Variants in SP3 observed in about 807,000 individuals in gnomAD.
The protein encoded by SP3 is transcription factor Sp3.
SP3 carries 10 observed loss-of-function variants against 70.3 expected under a neutral mutation model. The ratio of observed to expected loss-of-function variants is 0.14; its 90% CI spans 0.09 to 0.24. SP3 has a LOEUF of 0.24. Ranked by LOEUF, SP3 falls within the 10% of genes least tolerant of loss-of-function variation. The pLI, the probability that SP3 is intolerant of heterozygous loss-of-function variation, is 1.00. For missense variants in SP3, 825 were observed against 914.6 expected, an observed-to-expected ratio of 0.90 and a Z score of 1.26; for synonymous variants, 402 against 333.5, an observed-to-expected ratio of 1.21 and a Z score of -2.24.
intron 3 of SP3, among the ~76,000 whole-genome samples, chr2:173,960,195 T>C (rs1047140219): frequency 2.0e-5 from 3 of 152,170 alleles, no homozygotes; most frequent in African/African-American, 4.8e-5. Flanking sequence ...CCATCTAACA[T>C]GAATGTTGGC....
chr2:173,929,010 A>G (rs913224621), intron 4 of SP3, among the ~76,000 whole-genome samples: 2 of 152,214 alleles, frequency 1.3e-5, no homozygotes, highest in South Asian at 2.1e-4. Flanking sequence ...ATTTTTCACT[A>G]ATTTCAAATG....
chr2:173,909,996 T>C lies in SP3; in HGVS notation c.2291A>G (p.Asn764Ser), dbSNP rs556890630. 153 of 1,614,006 alleles carry C rather than the reference T, an allele frequency of 9.5e-5. 1 individual carries two copies. In the South Asian group the frequency reaches 1.6e-3, roughly 17 times the overall value. Residue 764 changes from asparagine to serine, a missense_variant, in exon 7 of 7, where the codon AAC becomes AGC. This residue lies in a region of SP3 where 91 missense variants were observed against 97.4 expected (regional missense o/e 0.93). Transcript: ENST00000310015. ...SATSNQDILT[N>S]TEIPLQLVTV... The stretch of plus-strand genomic sequence containing the variant: ...GACAAGCTGTAAAGGTATTTCAGTG[T>C]TGGTAAGGATATCTTGATTGCTGGT...
chr2:173,946,674 T>A (rs1213261691), intron 4 of SP3, among the ~76,000 whole-genome samples: 1 of 152,040 alleles, frequency 6.6e-6, no homozygotes, highest in Non-Finnish European at 1.5e-5. Flanking sequence ...CTCTGAATGT[T>A]ACTCCACGAT....
At position 173,902,038 on chromosome 2, in the gene SP3, G is replaced by A. The variant is rs1689199633; in HGVS notation, c.*7903C>T. On this transcript the variant is annotated 3_prime_UTR_variant, in exon 7 of 7. Transcript: ENST00000310015. ...AAGAGAGTGGTCTACTATGTGAGAA[G>A]ACCCCTACAGTGAGAGACTATGAGG... Among the ~76,000 whole-genome samples, 1 of 152,162 alleles carries A rather than the reference G, an allele frequency of 6.6e-6. No homozygotes were observed. The highest frequency in any genetic ancestry group is 1.5e-5 in the Non-Finnish European group (1 of 68,030).
intron 4 of SP3, among the ~76,000 whole-genome samples, chr2:173,939,078 G>A (rs535003381): frequency 4.6e-5 from 7 of 152,304 alleles, no homozygotes; most frequent in African/African-American, 1.7e-4. Flanking sequence ...ACAGTGCAGA[G>A]GTTGAGAAAT....
In SP3 at chr2:173,955,514, G is replaced by A; in HGVS notation, c.998C>T (p.Thr333Ile). The A allele has an allele frequency of 6.2e-7, 1 of 1,614,162 alleles. No homozygotes were observed. Among genetic ancestry groups the A allele is most frequent in the Non-Finnish European group, 8.5e-7 (1 of 1,180,030 alleles). The change falls in exon 4 of 7, where the codon ACA (threonine) becomes ATA (isoleucine). Residue 333 changes from threonine to isoleucine, a missense_variant. By Grantham distance (89) the Thr-to-Ile change is moderately conservative. Around this residue, in one of 4 missense-constraint regions of SP3, gnomAD observed 678 missense variants for 651.6 expected, o/e 1.04. Transcript: ENST00000310015. ...TNTDTDLFVP[T>I]SSSSQLPVTI... The stretch of plus-strand genomic sequence containing the variant: ...AACAGGCAACTGTGATGAAGAGGAT[G>A]TTGGCACAAATAAATCTGTATCAGT...
At chr2:173,934,591 G>C (rs1690162332) in intron 4 of SP3, among the ~76,000 whole-genome samples, 3 of 152,094 alleles carry the variant, frequency 2.0e-5, no homozygotes, top group Admixed American at 1.3e-4. Flanking sequence ...TAACAAAAAA[G>C]TCAATTGCCA....
intron 6 of SP3, among the ~76,000 whole-genome samples, chr2:173,910,491 A>G (rs1480619958): frequency 2.6e-5 from 4 of 152,182 alleles, no homozygotes; most frequent in Non-Finnish European, 1.5e-5. Flanking sequence ...CATGTATTAT[A>G]TAATAGATGG....
intron 4 of SP3, among the ~76,000 whole-genome samples, chr2:173,934,811 A>C (rs1481683077): frequency 6.6e-6 from 1 of 152,166 alleles, no homozygotes; most frequent in African/African-American, 2.4e-5. Flanking sequence ...CTAAGGCTGA[A>C]ACTCCTTTCT....
upstream of SP3, chr2:173,965,559 G>C (rs1691269794): frequency 4.4e-6 from 1 of 225,956 alleles, no homozygotes; most frequent in Non-Finnish European, 8.8e-6. Flanking sequence ...GAGCGGCTAC[G>C]GCTCGCCGGT....
In SP3 at chr2:173,904,766, C is replaced by T. The variant is rs1334275602; in HGVS notation, c.*5175G>A. 1.3e-5 allele frequency among the ~76,000 whole-genome samples: 2 copies of T among 152,178 alleles called. No homozygotes were observed. The highest frequency in any genetic ancestry group is 2.9e-5 in the Non-Finnish European group (2 of 68,036). ...TAATGCTCAGAGAAGGGATGTAAGTCGGACAGATATCCTAAAAGGTCACTA... is the reference window on the plus strand; with the variant it reads ...TAATGCTCAGAGAAGGGATGTAAGTTGGACAGATATCCTAAAAGGTCACTA... On this transcript the variant is annotated 3_prime_UTR_variant, in exon 7 of 7. Transcript: ENST00000310015.
intron 4 of SP3, among the ~76,000 whole-genome samples, chr2:173,954,107 G>C (rs567921789): frequency 4.1e-4 from 63 of 152,250 alleles, no homozygotes; most frequent in Non-Finnish European, 6.0e-4. Context: ...CAGAATTAAA[G>C]TAATAAAGTT....
intron 1 of SP3, chr2:173,964,766 C>T (rs1305467995): frequency 6.7e-6 from 3 of 446,182 alleles, no homozygotes; most frequent in African/African-American, 6.4e-5. Flanking sequence ...TCCTCCTCCT[C>T]CTCTTTCCCT....
At chr2:173,925,986 A>G (rs536273263) in intron 4 of SP3, among the ~76,000 whole-genome samples, 55 of 152,230 alleles carry the variant, frequency 3.6e-4, no homozygotes, top group Non-Finnish European at 5.9e-4. Flanking sequence ...CAAATGTACT[A>G]AAATGTACTA....
At chr2:173,927,949 A>G (rs1689963728) in intron 4 of SP3, among the ~76,000 whole-genome samples, 2 of 152,170 alleles carry the variant, frequency 1.3e-5, no homozygotes, top group Non-Finnish European at 2.9e-5. Flanking sequence ...TATGGTATCA[A>G]ATAGGCCCTA....
intron 4 of SP3, among the ~76,000 whole-genome samples, chr2:173,946,451 A>G (rs1283236807): frequency 6.6e-6 from 1 of 151,982 alleles, no homozygotes; most frequent in East Asian, 1.9e-4. Flanking sequence ...GATTCAAATC[A>G]TCAATTTTTT....
chr2:173,947,661 A>C (rs1035696588), intron 4 of SP3, among the ~76,000 whole-genome samples: 7 of 152,156 alleles, frequency 4.6e-5, no homozygotes, highest in African/African-American at 1.4e-4. Flanking sequence ...TCTTCAACAG[A>C]ATGTTTTGTT....
At chr2:173,913,022 T>C in intron 6 of SP3, 48 bp downstream of exon 6, 19 of 1,402,076 alleles carry the variant, frequency 1.4e-5, no homozygotes, top group Non-Finnish European at 1.8e-5. Context: ...AAGGCAGTTA[T>C]GTAGCCCTAT....
intron 4 of SP3, among the ~76,000 whole-genome samples, chr2:173,951,596 C>G (rs181187866): frequency 1.3e-5 from 2 of 152,118 alleles, no homozygotes; most frequent in Non-Finnish European, 2.9e-5. Flanking sequence ...CAATATGGTT[C>G]GGGCTGAACC....
Sources: gnomAD v4.1 joint callset for allele counts (sites outside exome capture counted in the v4.1 genomes callset) on GRCh38, gnomAD v4.1.1 for gene constraint, gnomAD v4.1.1 regional missense constraint, MANE v1.5 for transcripts, NCBI Gene and HGNC (gene_info 2026-07-23, HGNC 2026-07-21) for gene names.